Variants in MTHFD2L observed in about 807,000 individuals in gnomAD.
The protein encoded by MTHFD2L is bifunctional methylenetetrahydrofolate dehydrogenase/cyclohydrolase 2, mitochondrial.
A neutral mutation model predicts 34.9 loss-of-function variants in MTHFD2L; 29 were observed. That is an observed-to-expected ratio of 0.83 (90% CI 0.62 to 1.13). MTHFD2L has a LOEUF of 1.13. Ranked by LOEUF, MTHFD2L falls within the 50% of genes most tolerant of loss-of-function variation. MTHFD2L has a pLI of 0.00. For synonymous variants in MTHFD2L, 167 were observed against 155.7 expected, an observed-to-expected ratio of 1.07 and a Z score of -0.54; for missense variants, 481 against 446.5, an observed-to-expected ratio of 1.08 and a Z score of -0.70.
chr4:74,173,664 G>A (rs913234273), intron 1 of MTHFD2L, among the ~76,000 whole-genome samples: 1 of 152,162 alleles, frequency 6.6e-6, no homozygotes, highest in Admixed American at 6.5e-5. Context: ...GGGGCTACGT[G>A]TATACATAGT....
chr4:74,179,486 T>G (rs1324125102), intron 3 of MTHFD2L, among the ~76,000 whole-genome samples: 1 of 152,096 alleles, frequency 6.6e-6, no homozygotes, highest in African/African-American at 2.4e-5. Flanking sequence ...GTAGCCTCCA[T>G]TTTAGTAATT....
chr4:74,227,438 G>A (rs1739338646), intron 6 of MTHFD2L, among the ~76,000 whole-genome samples: 1 of 150,818 alleles, frequency 6.6e-6, no homozygotes, highest in Non-Finnish European at 1.5e-5. Context: ...TGTTTCCCAT[G>A]GAGATACCGA....
chr4:74,281,351 A>C, intron 6 of MTHFD2L, 74 bp from the exon 7 acceptor site: 2 of 1,052,876 alleles, frequency 1.9e-6, no homozygotes, highest in Admixed American at 2.9e-5. Context: ...GTGTGTGTGT[A>C]TTTTTAAAGC....
At chr4:74,127,021 T>A (rs533122930) in intron 1 of MTHFD2L, among the ~76,000 whole-genome samples, 1 of 152,188 alleles carries the variant, frequency 6.6e-6, no homozygotes, top group South Asian at 2.1e-4. Flanking sequence ...ACAAGAGGCT[T>A]CCCCTTTGAC....
upstream of MTHFD2L, among the ~76,000 whole-genome samples, chr4:74,121,511 A>G (rs2109774754): frequency 6.7e-6 from 1 of 150,318 alleles, no homozygotes; most frequent in African/African-American, 2.4e-5. Flanking sequence ...CATCACCTGC[A>G]CATGGGACTA....
At chr4:74,237,761 C>T (rs892683271) in intron 6 of MTHFD2L, among the ~76,000 whole-genome samples, 1 of 152,178 alleles carries the variant, frequency 6.6e-6, no homozygotes, top group Non-Finnish European at 1.5e-5. Context: ...GACTGTTCCA[C>T]TTCATGAAAG....
chr4:74,270,561 A>T (rs1745841531), intron 6 of MTHFD2L, among the ~76,000 whole-genome samples: 1 of 152,144 alleles, frequency 6.6e-6, no homozygotes, highest in Non-Finnish European at 1.5e-5. Flanking sequence ...TTCTTAATCC[A>T]GTCTATCATT....
intron 3 of MTHFD2L, among the ~76,000 whole-genome samples, chr4:74,196,008 A>T (rs1019372581): frequency 6.6e-6 from 1 of 152,038 alleles, no homozygotes; most frequent in African/African-American, 2.4e-5. Context: ...TAGCTTAGTG[A>T]TTTTGGGGGC....
chr4:74,228,752 A>G (rs971896778), intron 6 of MTHFD2L, among the ~76,000 whole-genome samples: 2 of 152,230 alleles, frequency 1.3e-5, no homozygotes, highest in African/African-American at 4.8e-5. Flanking sequence ...AGAAAAGGAA[A>G]ATAAAGGAAC....
At chr4:74,178,293 A>G (rs922049648) in intron 3 of MTHFD2L, among the ~76,000 whole-genome samples, 1 of 152,118 alleles carries the variant, frequency 6.6e-6, no homozygotes, top group Non-Finnish European at 1.5e-5. Context: ...TAATGTATAC[A>G]TATGTCAAAA....
chr4:74,227,812 G>A (rs1261257357), intron 6 of MTHFD2L, among the ~76,000 whole-genome samples: 6 of 152,156 alleles, frequency 3.9e-5, no homozygotes, highest in Admixed American at 2.0e-4. Context: ...CCTCATGTCT[G>A]CAGTTGTGTC....
rs1323192008 is a variant in MTHFD2L at position 74,298,221 on chromosome 4, T to C, written c.932-3476T>C. 5.3e-5 allele frequency among the ~76,000 whole-genome samples: 8 copies of C among 152,166 alleles called. No homozygotes were observed. In the East Asian group the frequency reaches 1.3e-3, roughly 26 times the overall value. ...ATAACCAGGTGTGTTTACAATGATA[T>C]TATAATCTTCTGCCTCGTGAATAAT... On this transcript the variant is annotated intron_variant, in intron 7 of 7. Coordinates refer to ENST00000325278, the MANE Select transcript of MTHFD2L (RefSeq NM_001144978.3).
intron 7 of MTHFD2L, among the ~76,000 whole-genome samples, chr4:74,292,430 G>A (rs1406423071): frequency 1.3e-5 from 2 of 152,012 alleles, no homozygotes; most frequent in Admixed American, 6.6e-5. Flanking sequence ...AAATACCTAT[G>A]GAAGGGAGAT....
intron 3 of MTHFD2L, among the ~76,000 whole-genome samples, chr4:74,185,258 G>T (rs1730988831): frequency 6.9e-6 from 1 of 144,832 alleles, no homozygotes; most frequent in East Asian, 2.1e-4. Flanking sequence ...AAATGAAAGA[G>T]AAATTTGAAA....
chr4:74,242,890 T>C (rs1223719785), intron 6 of MTHFD2L, among the ~76,000 whole-genome samples: 1 of 152,234 alleles, frequency 6.6e-6, no homozygotes, highest in Non-Finnish European at 1.5e-5. Flanking sequence ...GTGTTTAAAT[T>C]TACAAAAAGT....
chr4:74,154,150 T>A (rs1019379451), upstream of MTHFD2L, among the ~76,000 whole-genome samples: 3 of 152,206 alleles, frequency 2.0e-5, no homozygotes, highest in African/African-American at 7.2e-5. Flanking sequence ...ACGATCAGAC[T>A]GGGGTTACAG....
intron 6 of MTHFD2L, among the ~76,000 whole-genome samples, chr4:74,228,163 C>G (rs956865393): frequency 7.9e-5 from 12 of 152,152 alleles, no homozygotes; most frequent in African/African-American, 2.9e-4. Context: ...ACTGCATTGA[C>G]AGAAGTCAGG....
At chr4:74,198,156 A>G (rs1422207632) in intron 3 of MTHFD2L, among the ~76,000 whole-genome samples, 1 of 152,180 alleles carries the variant, frequency 6.6e-6, no homozygotes, top group Non-Finnish European at 1.5e-5. Flanking sequence ...ATGCAAGAGG[A>G]CAGATCTGTA....
chr4:74,188,217 A>G (rs540794535), intron 3 of MTHFD2L, among the ~76,000 whole-genome samples: 6 of 152,328 alleles, frequency 3.9e-5, no homozygotes, highest in African/African-American at 1.4e-4. Context: ...TCATAAGAAA[A>G]TACCATGGAA....
Sources: gnomAD v4.1 joint callset for allele counts (sites outside exome capture counted in the v4.1 genomes callset) on GRCh38, gnomAD v4.1.1 for gene constraint, MANE v1.5 for transcripts, NCBI Gene and HGNC (gene_info 2026-07-23, HGNC 2026-07-21) for gene names.